The following ILDR2 variants were observed in gnomAD, a reference collection of about 807,000 sequenced individuals.
ILDR2 encodes the protein immunoglobulin-like domain-containing receptor 2.
A neutral mutation model predicts 66.8 loss-of-function variants in ILDR2; 25 were observed. The observed-to-expected ratio is 0.37, with a 90% CI of 0.27 to 0.52. The LOEUF is 0.52. ILDR2 is among the 20% of genes least tolerant of loss of function. The probability of loss-of-function intolerance (pLI) is 0.88; values close to 1 mark genes in which losing one functional copy is unlikely to be tolerated. For missense variants in ILDR2, 827 were observed against 876.8 expected, an observed-to-expected ratio of 0.94 and a Z score of 0.72; for synonymous variants, 367 against 357.2, an observed-to-expected ratio of 1.03 and a Z score of -0.31.
Position 166,957,882 on chromosome 1 carries a change from G to A in ILDR2, c.266C>T (p.Pro89Leu). Reference protein sequence around the residue: ...SLSKRNLEWDPYLDCLDSRRT... With the variant: ...SLSKRNLEWDLYLDCLDSRRT... ...CCTGCTGTCCAAACAATCCAAGTAG[G>A]GGTCCCATTCCAGGTTTCTCTTGCT... is the stretch of plus-strand genomic sequence containing the variant. The change falls in exon 2 of 10, where the codon CCC (proline) becomes CTC (leucine). Residue 89 changes from proline to leucine, a missense_variant. By Grantham distance (98) the Pro-to-Leu change is moderately conservative. Around this residue, in one of 2 missense-constraint regions of ILDR2, gnomAD observed 437 missense variants for 523.2 expected, o/e 0.84. Coordinates refer to ENST00000271417, the MANE Select transcript of ILDR2 (RefSeq NM_199351.3). 1.2e-6 allele frequency: 2 copies of A among 1,614,080 alleles called. No individual in the cohort carries two copies. The highest frequency in any genetic ancestry group is 1.7e-6 in the Non-Finnish European group (2 of 1,180,018).
chr1:166,941,759 C>T (rs1310548539), intron 3 of ILDR2, among the ~76,000 whole-genome samples: 1 of 152,116 alleles, frequency 6.6e-6, no homozygotes, highest in Non-Finnish European at 1.5e-5. Flanking sequence ...TTACTCTCCA[C>T]TTCTCAAGAT....
At chr1:166,948,338 T>C (rs1335645473) in intron 3 of ILDR2, among the ~76,000 whole-genome samples, 1 of 152,168 alleles carries the variant, frequency 6.6e-6, no homozygotes, top group Non-Finnish European at 1.5e-5. Context: ...CCCTTTTCAC[T>C]CTCAAGAGTA....
intron 1 of ILDR2, among the ~76,000 whole-genome samples, chr1:166,970,285 T>G (rs1218768094): frequency 6.6e-6 from 1 of 152,176 alleles, no homozygotes; most frequent in Non-Finnish European, 1.5e-5. Flanking sequence ...AGCTCTTCCT[T>G]TCTACCTGTT....
At chr1:166,933,372 T>G in intron 6 of ILDR2, 1 of 156,434 alleles carries the variant, frequency 6.4e-6, no homozygotes, top group Non-Finnish European at 1.4e-5. Flanking sequence ...CAAGAGATCA[T>G]GAGGTAAGCC....
intron 3 of ILDR2, among the ~76,000 whole-genome samples, chr1:166,954,184 T>G (rs1011888574): frequency 7.9e-5 from 12 of 152,170 alleles, no homozygotes; most frequent in African/African-American, 2.9e-4. Context: ...AAACTGTGGG[T>G]CCCAGTTATC....
At chr1:166,920,248 C>T (rs1659827476) in intron 9 of ILDR2, among the ~76,000 whole-genome samples, 1 of 152,114 alleles carries the variant, frequency 6.6e-6, no homozygotes, top group African/African-American at 2.4e-5. Flanking sequence ...GATGTGGGTT[C>T]TTGGAAATCG....
At chr1:166,934,668 T>C (rs1660838099) in intron 6 of ILDR2, among the ~76,000 whole-genome samples, 2 of 152,334 alleles carry the variant, frequency 1.3e-5, no homozygotes, top group South Asian at 4.1e-4. Flanking sequence ...ATCTGACAAA[T>C]TGGACACTGT....
intron 3 of ILDR2, among the ~76,000 whole-genome samples, chr1:166,943,140 G>A (rs1028016954): frequency 6.6e-6 from 1 of 152,160 alleles, no homozygotes; most frequent in Non-Finnish European, 1.5e-5. Flanking sequence ...AACATAGTAG[G>A]AGTTTTGGGA....
chr1:166,903,674 G>A (rs1469281062), downstream of ILDR2, among the ~76,000 whole-genome samples: 1 of 152,170 alleles, frequency 6.6e-6, no homozygotes, highest in Non-Finnish European at 1.5e-5. Flanking sequence ...AATGATCTAG[G>A]TGATGTTGGG....
intron 3 of ILDR2, among the ~76,000 whole-genome samples, chr1:166,941,026 G>A (rs1160823798): frequency 6.6e-6 from 1 of 152,190 alleles, no homozygotes; most frequent in Admixed American, 6.5e-5. Context: ...TAGTGAGCAG[G>A]GTAGAGGGGT....
rs994069436 is a variant in ILDR2 at position 166,911,212 on chromosome 1, T to G, written c.*8143A>C. On this transcript the variant is annotated 3_prime_UTR_variant, in exon 10 of 10. Transcript: ENST00000271417. ...ATATTATCAAACTCTAAAGAATATG[T>G]AAAGTTAAAGCCTCTTGCCCTCCCC... 1 of 152,244 alleles carries G rather than the reference T, an allele frequency of 6.6e-6. No individual in the cohort carries two copies. Among genetic ancestry groups the G allele is most frequent in the South Asian group, 2.1e-4 (1 of 4,834 alleles). 9.4% of individuals were successfully genotyped at this position (152,244 alleles called of 1,614,324 possible).
At chr1:166,966,713 G>A (rs1662974751) in intron 1 of ILDR2, among the ~76,000 whole-genome samples, 1 of 152,166 alleles carries the variant, frequency 6.6e-6, no homozygotes, top group African/African-American at 2.4e-5. Flanking sequence ...TTGTCTAGCT[G>A]GCTTACACGC....
At chr1:166,920,314 G>T (rs1214335736) in intron 9 of ILDR2, among the ~76,000 whole-genome samples, 1 of 152,168 alleles carries the variant, frequency 6.6e-6, no homozygotes, top group Admixed American at 6.5e-5. Flanking sequence ...GCACATAGAA[G>T]GATGCATCGA....
At chr1:166,928,575 A>G (rs1660444360) in intron 6 of ILDR2, among the ~76,000 whole-genome samples, 1 of 152,208 alleles carries the variant, frequency 6.6e-6, no homozygotes, top group Non-Finnish European at 1.5e-5. Flanking sequence ...CACCATAAAG[A>G]AACCATATGA....
At position 166,911,694 on chromosome 1, in the gene ILDR2, G is replaced by A. The variant is rs1659478678; in HGVS notation, c.*7661C>T. On this transcript the variant is annotated 3_prime_UTR_variant, in exon 10 of 10. Transcript: ENST00000271417. Reference sequence around the variant, plus strand: ...AAAGAGTAAGTCACAAGACAACAGGGACTATGTAAATTTGAAAAAGAACTA... The same window carrying A: ...AAAGAGTAAGTCACAAGACAACAGGAACTATGTAAATTTGAAAAAGAACTA... 6.6e-6 allele frequency: 1 copy of A among 150,860 alleles called. No homozygotes were observed. Among genetic ancestry groups the A allele is most frequent in the Non-Finnish European group, 1.5e-5 (1 of 67,744 alleles). 9.3% of individuals were successfully genotyped at this position (150,860 alleles called of 1,614,324 possible).
rs1208213891 is a variant in ILDR2, at chr1:166,913,857, CTG to C, written c.*5496_*5497del. Reference sequence around the variant, plus strand: ...CTCAGCTGGGTTCAGTGGCTCATGTCTGTAATACCAGCACTTTAGGCAGCCAA... The same window carrying C: ...CTCAGCTGGGTTCAGTGGCTCATGTCTAATACCAGCACTTTAGGCAGCCAA... On this transcript the variant is annotated 3_prime_UTR_variant, in exon 10 of 10. Transcript: ENST00000271417. The C allele has an allele frequency of 6.6e-6, 1 of 152,236 alleles. No homozygotes were observed. Among genetic ancestry groups the C allele is most frequent in the African/African-American group, 2.4e-5 (1 of 41,436 alleles). The allele number at this position is 152,236 out of a possible 1,614,324, so 9.4% of individuals were successfully genotyped here. A position where few individuals can be genotyped will look rare whatever the true frequency, so the allele number is the denominator to read the frequency against.
intron 6 of ILDR2, among the ~76,000 whole-genome samples, chr1:166,931,633 G>A (rs754371900): frequency 1.3e-5 from 2 of 152,206 alleles, no homozygotes; most frequent in Admixed American, 1.3e-4. Context: ...GTTAAGCAAG[G>A]TGGGAGGTAA....
chr1:166,972,080 C>T (rs1020394301), intron 1 of ILDR2, among the ~76,000 whole-genome samples: 5 of 151,888 alleles, frequency 3.3e-5, no homozygotes, highest in South Asian at 2.1e-4. Flanking sequence ...GGTGTGGTGG[C>T]GCGTGCCTAT....
intron 1 of ILDR2, 113 bp downstream of exon 1, chr1:166,975,110 C>T: frequency 1.2e-6 from 1 of 858,122 alleles, no homozygotes; most frequent in Non-Finnish European, 1.9e-6. Context: ...GACCGCTAAG[C>T]AGCTTTAAAC....
Sources: gnomAD v4.1 joint callset for allele counts (sites outside exome capture counted in the v4.1 genomes callset) on GRCh38, gnomAD v4.1.1 for gene constraint, gnomAD v4.1.1 regional missense constraint, MANE v1.5 for transcripts, NCBI Gene and HGNC (gene_info 2026-07-23, HGNC 2026-07-21) for gene names.